PPTC7: variants seen among roughly 807,000 people sequenced by gnomAD.
The protein encoded by PPTC7 is protein phosphatase targeting COQ7, also known as protein phosphatase PTC7 homolog.
Under a neutral mutation model 30.8 loss-of-function variants are expected in PPTC7, and 6 were observed. That is an observed-to-expected ratio of 0.19 (90% confidence interval 0.11 to 0.38). The LOEUF (loss-of-function observed/expected upper bound fraction) is 0.38. Among genes scored for constraint, PPTC7 ranks in the 10% least tolerant of loss-of-function variants. The pLI is 1.00. For synonymous variants in PPTC7, 163 were observed against 168.1 expected (o/e 0.97, Z 0.23); for missense variants, 218 against 404.8 (o/e 0.54, Z 3.96).
chr12:110,552,567 T>C (rs1345481928), intron 1 of PPTC7, among the ~76,000 whole-genome samples: 1 of 152,080 alleles, frequency 6.6e-6, no homozygotes, highest in Non-Finnish European at 1.5e-5. Context: ...ATGCTCTAAG[T>C]ATAAAACATA....
chr12:110,551,615 G>A (rs1395790118), intron 2 of PPTC7, among the ~76,000 whole-genome samples, 174 bp downstream of exon 2: 1 of 152,200 alleles, frequency 6.6e-6, no homozygotes, highest in South Asian at 2.1e-4. Context: ...CCAAAGTGCT[G>A]GGATTACAGG....
At chr12:110,549,123 T>G (rs2064332984) in intron 2 of PPTC7, among the ~76,000 whole-genome samples, 1 of 152,220 alleles carries the variant, frequency 6.6e-6, no homozygotes, top group South Asian at 2.1e-4. Flanking sequence ...AAACTACTAC[T>G]AAGCCTTTTG....
intron 1 of PPTC7, among the ~76,000 whole-genome samples, chr12:110,576,739 G>T (rs1293317111): frequency 3.3e-5 from 5 of 152,102 alleles, no homozygotes; most frequent in Non-Finnish European, 7.4e-5. Context: ...GGGTTTCTTG[G>T]GGGGTGATGA....
chr12:110,541,185 C>G (rs1051424622), intron 3 of PPTC7, among the ~76,000 whole-genome samples: 1 of 150,320 alleles, frequency 6.7e-6, no homozygotes, highest in East Asian at 2.0e-4. Context: ...AGTGCAAGAC[C>G]AGCCTGACCA....
rs184796584 is a variant in PPTC7 at position 110,545,954 on chromosome 12, C to T, written c.528G>A (p.Gln176=). 2 of 1,614,200 alleles carry T rather than the reference C, an allele frequency of 1.2e-6. No individual in the cohort carries two copies. Among genetic ancestry groups the T allele is most frequent in the African/African-American group, 2.7e-5 (2 of 75,040 alleles). The change falls in exon 3 of 6, where the codon CAG becomes CAA. Residue 176 remains glutamine (Q), a synonymous_variant. Coordinates refer to ENST00000354300, the MANE Select transcript of PPTC7 (RefSeq NM_139283.2). ...GGAATGGAGTGTTGAAGTAATGCTGCTGCTCATCTGATCGGTGCACGACTT... is the reference window on the plus strand; with the variant it reads ...GGAATGGAGTGTTGAAGTAATGCTGTTGCTCATCTGATCGGTGCACGACTT... ...GGEVVHRSDE[Q]QHYFNTPFQL...
At chr12:110,576,920 A>G (rs550880024) in intron 1 of PPTC7, among the ~76,000 whole-genome samples, 5 of 152,306 alleles carry the variant, frequency 3.3e-5, no homozygotes, top group African/African-American at 1.2e-4. Context: ...TAATCCCAGC[A>G]CTTTGGGAGG....
intron 2 of PPTC7, among the ~76,000 whole-genome samples, chr12:110,549,243 T>C (rs1379135747): frequency 6.6e-6 from 1 of 152,202 alleles, no homozygotes; most frequent in East Asian, 1.9e-4. Flanking sequence ...GGAAATCATA[T>C]ATGCCAACAA....
intron 2 of PPTC7, among the ~76,000 whole-genome samples, chr12:110,548,362 C>T (rs2064325768): frequency 6.6e-6 from 1 of 152,194 alleles, no homozygotes; most frequent in Non-Finnish European, 1.5e-5. Flanking sequence ...CTTTCTCATG[C>T]TAATGCCCAG....
At chr12:110,538,919 T>G (rs1565915691) in intron 4 of PPTC7, among the ~76,000 whole-genome samples, 1 of 152,234 alleles carries the variant, frequency 6.6e-6, no homozygotes, top group Non-Finnish European at 1.5e-5. Flanking sequence ...AGCTTTGTTT[T>G]TCTTATTTAG....
chr12:110,557,391 C>T (rs2064398109), intron 1 of PPTC7, among the ~76,000 whole-genome samples: 1 of 152,164 alleles, frequency 6.6e-6, no homozygotes, highest in South Asian at 2.1e-4. Flanking sequence ...CCTCCCACCT[C>T]AGCCTCCTTA....
intron 1 of PPTC7, among the ~76,000 whole-genome samples, chr12:110,557,727 T>C (rs988854491): frequency 2.0e-5 from 3 of 152,254 alleles, no homozygotes; most frequent in Admixed American, 6.5e-5. Context: ...TCCATTCTCA[T>C]GCTGCTATGA....
chr12:110,540,292 C>CT (rs1378935385), intron 3 of PPTC7, among the ~76,000 whole-genome samples: 34 of 139,276 alleles, frequency 2.4e-4, no homozygotes, highest in Non-Finnish European at 3.4e-4. Context: ...ATTCCTAATT[C>CT]TTTACAGCCG....
At chr12:110,538,435 T>C (rs1311329652) in intron 4 of PPTC7, among the ~76,000 whole-genome samples, 162 bp from the exon 5 acceptor site, 2 of 152,220 alleles carry the variant, frequency 1.3e-5, no homozygotes, top group African/African-American at 4.8e-5. Flanking sequence ...CTGCACAAGG[T>C]ATCAATCAGA....
intron 1 of PPTC7, among the ~76,000 whole-genome samples, chr12:110,569,896 G>A (rs2135789984): frequency 6.6e-6 from 1 of 152,178 alleles, no homozygotes. Flanking sequence ...CTAAAATGTT[G>A]GCAAAGTTTT....
chr12:110,547,824 T>C (rs2064320241), intron 2 of PPTC7, among the ~76,000 whole-genome samples: 1 of 152,128 alleles, frequency 6.6e-6, no homozygotes. Context: ...TGGAGAATAG[T>C]TCAGGCGTGG....
intron 2 of PPTC7, among the ~76,000 whole-genome samples, chr12:110,549,677 G>A (rs1394918242): frequency 6.6e-6 from 1 of 152,084 alleles, no homozygotes; most frequent in Admixed American, 6.6e-5. Flanking sequence ...GTTACATGAG[G>A]GTGAACAGAA....
At chr12:110,556,715 A>G (rs2064390188) in intron 1 of PPTC7, among the ~76,000 whole-genome samples, 1 of 152,180 alleles carries the variant, frequency 6.6e-6, no homozygotes, top group Admixed American at 6.5e-5. Context: ...GGACCACCAC[A>G]TTGTGCATGC....
At position 110,535,482 on chromosome 12, in the gene PPTC7, A is replaced by G. The variant is rs930280970; in HGVS notation, c.*1555T>C. The G allele has an allele frequency of 6.6e-6, 1 of 152,650 alleles. No homozygotes were observed. The highest frequency in any genetic ancestry group is 1.5e-5 in the Non-Finnish European group (1 of 68,030). The allele number at this position is 152,650 out of a possible 1,614,324, so 9.5% of individuals were successfully genotyped here. On this transcript the variant is annotated 3_prime_UTR_variant, in exon 6 of 6. Coordinates refer to ENST00000354300, the MANE Select transcript of PPTC7 (RefSeq NM_139283.2). ...CCTGACAGTTACTCAAATATACAGT[A>G]CAAATTCACAAAACAAAATCTTTTA...
chr12:110,575,980 G>C (rs1034580439), intron 1 of PPTC7, among the ~76,000 whole-genome samples: 1 of 152,074 alleles, frequency 6.6e-6, no homozygotes, highest in African/African-American at 2.4e-5. Context: ...AGTTTAAAAA[G>C]CAAACAGCAA....
Sources: gnomAD v4.1 joint callset for allele counts (sites outside exome capture counted in the v4.1 genomes callset) on GRCh38, gnomAD v4.1.1 for gene constraint, MANE v1.5 for transcripts, NCBI Gene and HGNC (gene_info 2026-07-23, HGNC 2026-07-21) for gene names.